Variants in CSF2RA observed in about 807,000 individuals in gnomAD.
The protein encoded by CSF2RA is granulocyte-macrophage colony-stimulating factor receptor subunit alpha.
In CSF2RA, 42 loss-of-function variants were observed where a neutral mutation model predicts 51.6. The ratio of observed to expected loss-of-function variants is 0.81; its 90% CI spans 0.64 to 1.05. CSF2RA has a LOEUF of 1.05. Among genes scored for constraint, CSF2RA ranks in the 50% least tolerant of loss-of-function variants. The pLI, the probability that CSF2RA is intolerant of heterozygous loss-of-function variation, is 0.00. For missense variants in CSF2RA, 530 were observed against 501.1 expected (o/e 1.06, Z -0.55); for synonymous variants, 222 against 193.0 (o/e 1.15, Z -1.24).
At chrX:1,280,955 C>A (rs1603422499) in intron 2 of CSF2RA, among the ~76,000 whole-genome samples, 2 of 111,600 alleles carry the variant, frequency 1.8e-5, no homozygotes, top group African/African-American at 3.0e-5. Flanking sequence ...TGCTTCTCCT[C>A]CTCCTCCTTC....
At chrX:1,287,943 G>T (rs1404103282) in intron 4 of CSF2RA, among the ~76,000 whole-genome samples, 8 of 146,884 alleles carry the variant, frequency 5.4e-5, no homozygotes, top group Admixed American at 2.0e-4. Context: ...CACCATGTTG[G>T]CCAGGCTGGT....
downstream of CSF2RA, among the ~76,000 whole-genome samples, chrX:1,311,342 C>G (rs1439689083): frequency 5.3e-5 from 8 of 152,066 alleles, no homozygotes; most frequent in Non-Finnish European, 1.0e-4. Flanking sequence ...TCCCCTTCCT[C>G]TCCCACCAGG....
At chrX:1,283,821 G>A (rs28457656) in intron 3 of CSF2RA, among the ~76,000 whole-genome samples, 32,634 of 151,632 alleles carry the variant, frequency 0.22, 4,579 homozygotes, top group East Asian at 0.52. Flanking sequence ...CCCGTGCCTC[G>A]GCCTCCCAAA....
At chrX:1,312,954 G>T (rs1328491967), downstream of CSF2RA, among the ~76,000 whole-genome samples, 1 of 152,106 alleles carries the variant, frequency 6.6e-6, no homozygotes, top group African/African-American at 2.4e-5. Context: ...ACACAGCAAG[G>T]AAGAAAAAGC....
In CSF2RA at chrX:1,305,879, G is replaced by C. The variant is rs747008727; in HGVS notation, c.1125+352G>C. ...GTGGATCATCTGAGGTCAGAGGTTC[G>C]AGACCAGCCTGGCCAACGTGGTGAA... is the stretch of plus-strand genomic sequence containing the variant. On this transcript the variant is annotated intron_variant, in intron 12 of 12. Coordinates refer to ENST00000381529, the MANE Select transcript of CSF2RA (RefSeq NM_172245.4). 5,731 of 1,253,836 alleles carry C rather than the reference G, an allele frequency of 4.6e-3. 29 individuals carry two copies. Among genetic ancestry groups the C allele is most frequent in the Non-Finnish European group, 5.7e-3 (5,036 of 885,662 alleles). The allele number at this position is 1,253,836 out of a possible 1,614,324, so 77.7% of individuals were successfully genotyped here.
chrX:1,294,124 G>A lies in CSF2RA; in HGVS notation c.647-204G>A, dbSNP rs2091685955. 7.2e-6 allele frequency: 5 copies of A among 697,548 alleles called. No individual in the cohort carries two copies. In the East Asian group the frequency reaches 1.3e-4, roughly 18 times the overall value. 43.2% of individuals were successfully genotyped at this position (697,548 alleles called of 1,614,324 possible). ...CCTGGACCCAGTGTAGACAGGAGGA[G>A]ACCCTGCCCCATCTCCACCTGGACC... On this transcript the variant is annotated intron_variant, in intron 7 of 12. Coordinates refer to ENST00000381529, the MANE Select transcript of CSF2RA (RefSeq NM_172245.4).
At chrX:1,306,872 A>G (rs1162437300) in intron 12 of CSF2RA, among the ~76,000 whole-genome samples, 1 of 150,960 alleles carries the variant, frequency 6.6e-6, no homozygotes, top group Non-Finnish European at 1.5e-5. Flanking sequence ...GGAGAGAGAG[A>G]GAGAGACAGA....
chrX:1,308,719 C>T (rs1160801050), intron 12 of CSF2RA, among the ~76,000 whole-genome samples: 6 of 152,114 alleles, frequency 3.9e-5, no homozygotes, highest in South Asian at 4.1e-4. Context: ...CCCCGGCCCC[C>T]GCTTTCCACT....
chrX:1,302,159 G>T (rs1159016421), intron 10 of CSF2RA, among the ~76,000 whole-genome samples: 1 of 151,810 alleles, frequency 6.6e-6, no homozygotes, highest in African/African-American at 2.4e-5. Flanking sequence ...CAGGTGATCT[G>T]CCCACCTCGC....
intron 1 of CSF2RA, among the ~76,000 whole-genome samples, chrX:1,273,888 G>A (rs191643772): frequency 3.0e-4 from 46 of 151,848 alleles, no homozygotes; most frequent in African/African-American, 1.1e-3. Flanking sequence ...GTGAGTCACC[G>A]CGCCCGGCAT....
At chrX:1,291,994 A>T (rs1399879900) in intron 7 of CSF2RA, among the ~76,000 whole-genome samples, 2 of 145,690 alleles carry the variant, frequency 1.4e-5, no homozygotes, top group Non-Finnish European at 1.5e-5. Context: ...CCCAGTGTAG[A>T]CAAAGAGGTG....
Position 1,280,991 on chromosome X carries a change from C to T in CSF2RA, c.-26-1687C>T, listed in dbSNP as rs866357452. 1.5e-3 allele frequency among the ~76,000 whole-genome samples: 179 copies of T among 116,118 alleles called. 1 individual carries two copies. Among genetic ancestry groups the T allele is most frequent in the Non-Finnish European group, 2.6e-3 (139 of 52,776 alleles). The allele number at this position is 116,118 out of a possible 152,430, so 76.2% of individuals were successfully genotyped here. A position where few individuals can be genotyped will look rare whatever the true frequency, so the allele number is the denominator to read the frequency against. On this transcript the variant is annotated intron_variant, in intron 2 of 12. Transcript: ENST00000381529. ...TCCTCCTCCTGCTTCTCCTCCTCCT[C>T]CTTCTCCTCCTCCTCCTTCTCCTCC...
chrX:1,287,574 G>A (rs1453910042), intron 4 of CSF2RA, among the ~76,000 whole-genome samples: 2 of 149,132 alleles, frequency 1.3e-5, no homozygotes, highest in African/African-American at 5.0e-5. Flanking sequence ...CTCCTGAGTA[G>A]CTGGGATTAC....
intron 10 of CSF2RA, among the ~76,000 whole-genome samples, chrX:1,300,896 G>A (rs1316898953): frequency 1.3e-5 from 2 of 152,154 alleles, no homozygotes; most frequent in Non-Finnish European, 2.9e-5. Context: ...GTTCACGCCT[G>A]TAATCCCAGC....
intron 1 of CSF2RA, among the ~76,000 whole-genome samples, chrX:1,272,801 C>CTT (rs372370857): frequency 5.5e-4 from 77 of 139,536 alleles, no homozygotes; most frequent in South Asian, 2.2e-3. Context: ...TCTTCTTTTT[C>CTT]TTTTTTTTTT....
At position 1,285,916 on chromosome X, in the gene CSF2RA, C is replaced by T; in HGVS notation, c.215C>T (p.Pro72Leu). Residue 72 changes from proline (P) to leucine (L), a missense_variant, in exon 4 of 13, where the codon CCC becomes CTC. Pro to Leu is a moderately conservative substitution (Grantham distance 98). Coordinates refer to ENST00000381529, the MANE Select transcript of CSF2RA (RefSeq NM_172245.4). ...LTDKKNRVVE[P>L]RLSNNECSCT... is the part of the protein sequence containing the mutation. ...GACAAGAAGAACAGAGTCGTGGAAC[C>T]CAGGGTGAGACGAATTTCCCATTCT... is the stretch of plus-strand genomic sequence containing the variant. 6.2e-7 allele frequency: 1 copy of T among 1,613,800 alleles called. No individual in the cohort carries two copies. The highest frequency in any genetic ancestry group is 8.5e-7 in the Non-Finnish European group (1 of 1,179,834).
chrX:1,316,674 G>A, the CSF2RA span, among the ~76,000 whole-genome samples: 24 of 152,200 alleles, frequency 1.6e-4, no homozygotes, highest in Non-Finnish European at 3.5e-4. Flanking sequence ...CCGGCGTCAT[G>A]GGGCTCCCCA....
At chrX:1,293,849 C>A (rs1472367485) in intron 7 of CSF2RA, 3 of 409,064 alleles carry the variant, frequency 7.3e-6, no homozygotes, top group Non-Finnish European at 1.4e-5. Context: ...CCACCTGGAC[C>A]CAGTGTAGAC....
At chrX:1,322,110 A>G in the CSF2RA span, among the ~76,000 whole-genome samples, 1 of 150,882 alleles carries the variant, frequency 6.6e-6, no homozygotes, top group African/African-American at 2.4e-5. Context: ...TTATTTATTT[A>G]TTTATTTATT....
Sources: allele counts gnomAD v4.1 joint callset (sites outside exome capture counted in the v4.1 genomes callset), GRCh38; gene constraint gnomAD v4.1.1; transcripts MANE v1.5; gene names NCBI Gene and HGNC (gene_info 2026-07-23, HGNC 2026-07-21).